The following DLC1 variants were observed in gnomAD, a reference collection of about 807,000 sequenced individuals.
DLC1 encodes rho GTPase-activating protein 7.
DLC1 carries 54 observed loss-of-function variants against 140.3 expected under a neutral mutation model. The observed-to-expected ratio is 0.38, with a 90% CI of 0.31 to 0.48. DLC1 has a LOEUF of 0.48. Among genes scored for constraint, DLC1 ranks in the 20% least tolerant of loss-of-function variants. The pLI, the probability that DLC1 is intolerant of heterozygous loss-of-function variation, is 0.96. For missense variants in DLC1, 2,536 were observed against 1,907.0 expected (o/e 1.33, Z -6.14); for synonymous variants, 986 against 728.1 (o/e 1.35, Z -5.70).
At chr8:13,337,607 G>A (rs1833860064) in intron 4 of DLC1, among the ~76,000 whole-genome samples, 6 of 152,078 alleles carry the variant, frequency 3.9e-5, no homozygotes, top group Admixed American at 3.9e-4. Context: ...AGAGAATTTA[G>A]GAGGATAAGA....
intron 4 of DLC1, chr8:13,339,355 A>C (rs1485053069): frequency 6.6e-6 from 1 of 152,240 alleles, no homozygotes; most frequent in Non-Finnish European, 1.5e-5. Context: ...TTGTGAAGCA[A>C]TTAGCAGGGT....
At chr8:13,237,070 T>C (rs1349387449) in intron 5 of DLC1, among the ~76,000 whole-genome samples, 1 of 151,948 alleles carries the variant, frequency 6.6e-6, no homozygotes, top group Non-Finnish European at 1.5e-5. Flanking sequence ...TATATAAAAA[T>C]GATTCTCATA....
At chr8:13,478,210 AG>A (rs1800526440) in intron 2 of DLC1, among the ~76,000 whole-genome samples, 1 of 152,106 alleles carries the variant, frequency 6.6e-6, no homozygotes, top group South Asian at 2.1e-4. Context: ...TGGAAAGTGA[AG>A]GGGGAGCAGG....
At chr8:13,212,445 T>C (rs1183293775) in intron 5 of DLC1, among the ~76,000 whole-genome samples, 1 of 152,218 alleles carries the variant, frequency 6.6e-6, no homozygotes, top group African/African-American at 2.4e-5. Flanking sequence ...ATGTCTCTAG[T>C]GCTTAGCATA....
In DLC1 at chr8:13,099,713, C is replaced by T. The variant is rs745829430; in HGVS notation, c.2624G>A (p.Arg875His). 7 of 1,614,000 alleles carry T rather than the reference C, an allele frequency of 4.3e-6. No homozygotes were observed. The highest frequency in any genetic ancestry group is 4.0e-5 in the African/African-American group (3 of 74,930). Residue 875 changes from arginine (R) to histidine (H), a missense_variant, in exon 9 of 18, where the codon CGC (arginine) becomes CAC (histidine). Transcript: ENST00000276297. Reference sequence around the variant, plus strand: ...CGGCACGTTGTCGTAGATGCTCAGGCGGCTGCTCATGGAGCTGGAAGAATT... The same window carrying T: ...CGGCACGTTGTCGTAGATGCTCAGGTGGCTGCTCATGGAGCTGGAAGAATT... ...RRNSSSSMSS[R>H]LSIYDNVPGS...
At chr8:13,494,092 T>C (rs1453106643) in intron 2 of DLC1, among the ~76,000 whole-genome samples, 2 of 152,196 alleles carry the variant, frequency 1.3e-5, no homozygotes, top group Non-Finnish European at 2.9e-5. Flanking sequence ...ATCAAATAGT[T>C]TCATAATGAG....
intron 1 of DLC1, among the ~76,000 whole-genome samples, chr8:13,553,956 A>G: frequency 6.6e-6 from 1 of 152,038 alleles, no homozygotes; most frequent in Admixed American, 6.6e-5. Flanking sequence ...TGATCTTTCT[A>G]ACATCCCTGC....
intron 4 of DLC1, among the ~76,000 whole-genome samples, chr8:13,371,531 G>C (rs1283849184): frequency 6.6e-6 from 1 of 151,132 alleles, no homozygotes; most frequent in Non-Finnish European, 1.5e-5. Flanking sequence ...CCAACTGCTA[G>C]TCCTCAAACA....
intron 4 of DLC1, among the ~76,000 whole-genome samples, chr8:13,366,147 G>A (rs1345114751): frequency 6.6e-6 from 1 of 152,198 alleles, no homozygotes; most frequent in African/African-American, 2.4e-5. Context: ...CCAGCTAGCT[G>A]TTTAACACTG....
chr8:13,483,983 G>A (rs1217685569), intron 2 of DLC1, among the ~76,000 whole-genome samples: 1 of 152,112 alleles, frequency 6.6e-6, no homozygotes, highest in Non-Finnish European at 1.5e-5. Flanking sequence ...GGGAGGCTGA[G>A]GCAAGAGAAT....
intron 4 of DLC1, among the ~76,000 whole-genome samples, chr8:13,352,233 G>T (rs1252963578): frequency 6.6e-6 from 1 of 152,186 alleles, no homozygotes; most frequent in African/African-American, 2.4e-5. Flanking sequence ...CGGCCCTCTC[G>T]GCCTCACCGT....
At chr8:13,357,787 A>G (rs550548962) in intron 4 of DLC1, among the ~76,000 whole-genome samples, 1 of 152,334 alleles carries the variant, frequency 6.6e-6, no homozygotes, top group South Asian at 2.1e-4. Flanking sequence ...AGATGGATGA[A>G]GACACCTATT....
At chr8:13,251,862 C>T (rs532218080) in intron 5 of DLC1, among the ~76,000 whole-genome samples, 5 of 151,968 alleles carry the variant, frequency 3.3e-5, no homozygotes, top group Non-Finnish European at 7.4e-5. Flanking sequence ...TTATTAGAGA[C>T]AACATAGTTG....
At position 13,126,588 on chromosome 8, in the gene DLC1, A is replaced by AT. The variant is rs548935537; in HGVS notation, c.1349-10932dup. ...AAAGGTCCTTATTTTTCTGAGTCTC[A>AT]TTTTTTTTTGGTAAAATGAAGCACG... On this transcript the variant is annotated intron_variant, in intron 5 of 17. Transcript: ENST00000276297. Among the ~76,000 whole-genome samples, 15 of 151,302 alleles carry AT rather than the reference A, an allele frequency of 9.9e-5. No homozygotes were observed. The South Asian group carries it at 1.3e-3, about 13-fold the overall frequency.
chr8:13,391,744 A>G (rs994861712), intron 4 of DLC1, among the ~76,000 whole-genome samples: 4 of 152,222 alleles, frequency 2.6e-5, no homozygotes, highest in African/African-American at 9.6e-5. Context: ...ACACTCAGTC[A>G]CTGAAATGTG....
intron 4 of DLC1, among the ~76,000 whole-genome samples, chr8:13,314,109 G>T (rs950463387): frequency 1.4e-4 from 21 of 151,408 alleles, no homozygotes; most frequent in African/African-American, 5.1e-4. Context: ...GAGATCCCTG[G>T]GACCACCATT....
chr8:13,206,104 C>G (rs1301578104), intron 5 of DLC1, among the ~76,000 whole-genome samples: 1 of 152,138 alleles, frequency 6.6e-6, no homozygotes, highest in Admixed American at 6.5e-5. Context: ...TAAATATATT[C>G]TGTGATTTCT....
intron 5 of DLC1, among the ~76,000 whole-genome samples, chr8:13,182,181 GTT>G (rs1322992204): frequency 6.6e-6 from 1 of 151,776 alleles, no homozygotes. Context: ...TTTTGATAGG[GTT>G]TTTTCTTTTT....
intron 4 of DLC1, chr8:13,340,695 G>T (rs1404217873): frequency 6.6e-6 from 1 of 152,170 alleles, no homozygotes; most frequent in Non-Finnish European, 1.5e-5. Flanking sequence ...ATGTGTAGTG[G>T]CTATTGTTTT....
Sources: gnomAD v4.1 joint callset for allele counts (sites outside exome capture counted in the v4.1 genomes callset) on GRCh38, gnomAD v4.1.1 for gene constraint, MANE v1.5 for transcripts, NCBI Gene and HGNC (gene_info 2026-07-23, HGNC 2026-07-21) for gene names.